ZNF385B: variants seen among roughly 807,000 people sequenced by gnomAD.
ZNF385B encodes zinc finger protein 385B.
Under a neutral mutation model 39.2 loss-of-function variants are expected in ZNF385B, and 23 were observed. The ratio of observed to expected loss-of-function variants is 0.59; its 90% CI spans 0.42 to 0.83. The LOEUF is 0.83. ZNF385B is among the 40% of genes least tolerant of loss of function. The probability of loss-of-function intolerance (pLI) is 0.00; values close to 1 mark genes in which losing one functional copy is unlikely to be tolerated. For synonymous variants in ZNF385B, 205 were observed against 222.6 expected (o/e 0.92, Z 0.70); for missense variants, 552 against 598.9 (o/e 0.92, Z 0.82).
intron 3 of ZNF385B, chr2:179,562,529 G>A (rs1223441905): frequency 2.1e-5 from 21 of 985,222 alleles, no homozygotes; most frequent in South Asian, 4.7e-5. Context: ...GGAAACAGCC[G>A]GCAGGCAGTG....
chr2:179,673,030 G>A (rs1385331532), intron 3 of ZNF385B, among the ~76,000 whole-genome samples: 1 of 152,194 alleles, frequency 6.6e-6, no homozygotes, highest in African/African-American at 2.4e-5. Flanking sequence ...CAACAGCAAA[G>A]CGAGACGGCA....
intron 1 of ZNF385B, among the ~76,000 whole-genome samples, chr2:179,819,582 C>G (rs558545747): frequency 1.3e-5 from 2 of 152,328 alleles, no homozygotes; most frequent in Non-Finnish European, 2.9e-5. Flanking sequence ...AAGATAAATA[C>G]AGACAATCTT....
At chr2:179,785,414 T>G (rs888191161) in intron 1 of ZNF385B, among the ~76,000 whole-genome samples, 1 of 152,178 alleles carries the variant, frequency 6.6e-6, no homozygotes, top group South Asian at 2.1e-4. Context: ...AAGAAATACA[T>G]TTTGAAAGGC....
chr2:179,633,088 G>A (rs915339386), intron 3 of ZNF385B, among the ~76,000 whole-genome samples: 8 of 152,130 alleles, frequency 5.3e-5, no homozygotes, highest in African/African-American at 1.7e-4. Context: ...AAATGTCCAG[G>A]ACCAGACAGA....
intron 5 of ZNF385B, among the ~76,000 whole-genome samples, chr2:179,493,539 A>G: frequency 6.6e-6 from 1 of 150,924 alleles, no homozygotes; most frequent in Admixed American, 6.6e-5. Context: ...ATATATGCGT[A>G]TACATACGTG....
At chr2:179,460,061 G>C (rs2051151643) in intron 6 of ZNF385B, among the ~76,000 whole-genome samples, 1 of 151,914 alleles carries the variant, frequency 6.6e-6, no homozygotes, top group Non-Finnish European at 1.5e-5. Flanking sequence ...CCGAGATCTT[G>C]CCACTGCACT....
At chr2:179,777,674 A>G (rs910276665) in intron 1 of ZNF385B, among the ~76,000 whole-genome samples, 5 of 152,142 alleles carry the variant, frequency 3.3e-5, no homozygotes, top group African/African-American at 1.2e-4. Context: ...AAAGCAAAAG[A>G]CCAGCTTTGC....
rs2056644843 is a variant in ZNF385B at position 179,500,359 on chromosome 2, A to G, written c.553-16925T>C. On this transcript the variant is annotated intron_variant, in intron 5 of 9. Transcript: ENST00000410066. ...GGAGGAATCACATTATCTAACTTCA[A>G]ATTATATACTACAGAGCTGCTACTG... Among the ~76,000 whole-genome samples, 2 of 152,134 alleles carry G rather than the reference A, an allele frequency of 1.3e-5. 1 individual carries two copies. The highest frequency in any genetic ancestry group is 4.8e-5 in the African/African-American group (2 of 41,452).
intron 3 of ZNF385B, among the ~76,000 whole-genome samples, chr2:179,692,510 T>C (rs1334511266): frequency 6.6e-6 from 1 of 152,124 alleles, no homozygotes. Flanking sequence ...CCCAACCCCA[T>C]GTCAGTTGAT....
intron 1 of ZNF385B, among the ~76,000 whole-genome samples, chr2:179,808,933 G>A (rs1483107193): frequency 6.6e-6 from 1 of 152,148 alleles, no homozygotes; most frequent in Non-Finnish European, 1.5e-5. Flanking sequence ...ATATGCCATA[G>A]GACAGACAGA....
At chr2:179,817,048 G>T (rs1707113293) in intron 1 of ZNF385B, among the ~76,000 whole-genome samples, 1 of 152,048 alleles carries the variant, frequency 6.6e-6, no homozygotes, top group Non-Finnish European at 1.5e-5. Flanking sequence ...CATTTTCAAT[G>T]TTCTGTTGAA....
At chr2:179,597,611 G>C (rs527553197) in intron 3 of ZNF385B, among the ~76,000 whole-genome samples, 7 of 152,054 alleles carry the variant, frequency 4.6e-5, no homozygotes, top group Admixed American at 4.6e-4. Flanking sequence ...CTTTTCACAC[G>C]ACATACGCAC....
chr2:179,835,933 G>A (rs1708224645), intron 1 of ZNF385B, among the ~76,000 whole-genome samples: 2 of 152,026 alleles, frequency 1.3e-5, no homozygotes, highest in South Asian at 2.1e-4. Context: ...TTCACAAATC[G>A]TTAAGTGTAT....
chr2:179,568,160 C>G lies in ZNF385B; in HGVS notation c.299-23191G>C, dbSNP rs116330717. Among the ~76,000 whole-genome samples the G allele has an allele frequency of 4.8e-3, 735 of 152,328 alleles. 6 individuals carry two copies. The highest frequency in any genetic ancestry group is 0.02 in the South Asian group (96 of 4,822). On this transcript the variant is annotated intron_variant, in intron 3 of 9. Coordinates refer to ENST00000410066, the MANE Select transcript of ZNF385B (RefSeq NM_152520.6). ...GTCCTTCCTCTCTCTTTCCCAAACA[C>G]ATCACATTCACTCTGTCTCAGGCTT...
Position 179,548,502 on chromosome 2 carries a change from T to A in ZNF385B, c.299-3533A>T, listed in dbSNP as rs1032074982. 4.0e-5 allele frequency among the ~76,000 whole-genome samples: 6 copies of A among 149,726 alleles called. 1 individual carries two copies. Among genetic ancestry groups the A allele is most frequent in the African/African-American group, 1.5e-4 (6 of 39,770 alleles). On this transcript the variant is annotated intron_variant, in intron 3 of 9. Transcript: ENST00000410066. ...TCATCTGAATTGTAGAATTCAATTA[T>A]TTTTAGCATATTAACAGAGTTGTTA...
intron 5 of ZNF385B, among the ~76,000 whole-genome samples, chr2:179,489,979 AG>A (rs2055034894): frequency 1.3e-5 from 2 of 152,238 alleles, no homozygotes; most frequent in African/African-American, 4.8e-5. Context: ...TGGCCTGTCT[AG>A]GGCCATCACA....
Position 179,821,658 on chromosome 2 carries a change from G to A in ZNF385B, c.-155+39443C>T, listed in dbSNP as rs980437367. Among the ~76,000 whole-genome samples the A allele has an allele frequency of 3.9e-5, 6 of 152,068 alleles. No homozygotes were observed. The Middle Eastern group carries it at 0.01, about 259-fold the overall frequency. On this transcript the variant is annotated intron_variant, in intron 1 of 9. Transcript: ENST00000410066. ...CCTTATCTAGCCATTTTACCAAGACGTGCTTTACCCAAGATAGACTAAATG... is the reference window on the plus strand; with the variant it reads ...CCTTATCTAGCCATTTTACCAAGACATGCTTTACCCAAGATAGACTAAATG...
At chr2:179,456,486 C>A (rs894800293) in intron 6 of ZNF385B, among the ~76,000 whole-genome samples, 1 of 151,994 alleles carries the variant, frequency 6.6e-6, no homozygotes, top group Non-Finnish European at 1.5e-5. Flanking sequence ...TGTACCTCAA[C>A]GTAATTTTAA....
chr2:179,598,880 A>G (rs79857773), intron 3 of ZNF385B, among the ~76,000 whole-genome samples: 5,594 of 152,294 alleles, frequency 0.037, 143 homozygotes, highest in Non-Finnish European at 0.057. Context: ...TTTTGGAAAC[A>G]AAAAGGATTT....
Sources: allele counts gnomAD v4.1 joint callset (sites outside exome capture counted in the v4.1 genomes callset), GRCh38; gene constraint gnomAD v4.1.1; transcripts MANE v1.5; gene names NCBI Gene and HGNC (gene_info 2026-07-23, HGNC 2026-07-21).